Variants in SIRT4 observed in about 807,000 individuals in gnomAD.
SIRT4 encodes the protein NAD-dependent protein lipoamidase sirtuin-4, mitochondrial.
SIRT4 carries 23 observed loss-of-function variants against 26.1 expected under a neutral mutation model. The ratio of observed to expected loss-of-function variants is 0.88; its 90% confidence interval spans 0.63 to 1.25. SIRT4 has a LOEUF of 1.25. Ranked by LOEUF, SIRT4 falls within the 50% of genes most tolerant of loss-of-function variation. The probability of loss-of-function intolerance (pLI) is 0.00; values close to 1 mark genes in which losing one functional copy is unlikely to be tolerated. For missense variants in SIRT4, 361 were observed against 405.4 expected (o/e 0.89, Z 0.94); for synonymous variants, 155 against 158.4 (o/e 0.98, Z 0.16).
intron 2 of SIRT4, among the ~76,000 whole-genome samples, chr12:120,310,267 G>A (rs1872908156): frequency 6.6e-6 from 1 of 152,092 alleles, no homozygotes; most frequent in Non-Finnish European, 1.5e-5. Flanking sequence ...TCGGGAGGCT[G>A]AGGCAGGAGA....
chr12:120,293,194 T>G, the SIRT4 span: 5 of 152,314 alleles, frequency 3.3e-5, no homozygotes, highest in Admixed American at 6.5e-5. Context: ...TAATCGCGCC[T>G]CGGATAGACC....
chr12:120,296,762 G>C, the SIRT4 span, among the ~76,000 whole-genome samples: 5 of 151,246 alleles, frequency 3.3e-5, no homozygotes, highest in African/African-American at 1.2e-4. Context: ...CGCCCGCCTC[G>C]GCCTCCCCAA....
At chr12:120,293,107 G>GA in the SIRT4 span, 2 of 152,056 alleles carry the variant, frequency 1.3e-5, no homozygotes, top group Non-Finnish European at 2.9e-5. Flanking sequence ...TCTCCGTAGA[G>GA]ACTGTCAAAA....
chr12:120,308,839 A>G (rs1056023286), intron 2 of SIRT4, among the ~76,000 whole-genome samples: 20 of 152,284 alleles, frequency 1.3e-4, no homozygotes, highest in Middle Eastern at 3.4e-3. Flanking sequence ...GGTGGTATCC[A>G]GGGAATTTGA....
At chr12:120,309,143 T>A (rs1312412740) in intron 2 of SIRT4, among the ~76,000 whole-genome samples, 1 of 152,060 alleles carries the variant, frequency 6.6e-6, no homozygotes, top group Non-Finnish European at 1.5e-5. Context: ...TGTTGTGCCA[T>A]TGCCCTCCAG....
chr12:120,297,263 TA>T, the SIRT4 span, among the ~76,000 whole-genome samples: 26 of 95,454 alleles, frequency 2.7e-4, no homozygotes, highest in Admixed American at 3.4e-3. Flanking sequence ...CATACATACA[TA>T]AAATAAAATA....
At position 120,313,180 on chromosome 12, in the gene SIRT4, C is replaced by G. The variant is rs1481246052; in HGVS notation, c.*144C>G. 5 of 842,538 alleles carry G rather than the reference C, an allele frequency of 5.9e-6. No homozygotes were observed. The highest frequency in any genetic ancestry group is 9.2e-6 in the Non-Finnish European group (5 of 540,776). 52.2% of individuals were successfully genotyped at this position (842,538 alleles called of 1,614,324 possible). On this transcript the variant is annotated 3_prime_UTR_variant, in exon 4 of 4. Coordinates refer to ENST00000202967, the MANE Select transcript of SIRT4 (RefSeq NM_012240.3). The stretch of plus-strand genomic sequence containing the variant: ...ACAAAGTATAGAAGGTTCTAGGTAT[C>G]TTAATGTGTGGATATTCTTAATTAA...
intron 2 of SIRT4, 114 bp from the exon 3 acceptor site, chr12:120,312,342 T>C (rs769333044): frequency 3.1e-6 from 3 of 968,704 alleles, no homozygotes; most frequent in Non-Finnish European, 4.7e-6. Context: ...GGATTGTGTG[T>C]TAGGGAAAGA....
upstream of SIRT4, among the ~76,000 whole-genome samples, chr12:120,301,020 G>A (rs763571870): frequency 6.6e-6 from 1 of 152,124 alleles, no homozygotes; most frequent in Non-Finnish European, 1.5e-5. Flanking sequence ...ATTAGTCCAG[G>A]TATAATATAT....
chr12:120,300,796 TCC>T (rs1762854754), upstream of SIRT4, among the ~76,000 whole-genome samples: 1 of 152,094 alleles, frequency 6.6e-6, no homozygotes, highest in Non-Finnish European at 1.5e-5. Context: ...GTCTTCAAGG[TCC>T]CTGCTGGCCG....
At position 120,313,086 on chromosome 12, in the gene SIRT4, T is replaced by C; in HGVS notation, c.*50T>C. ...GGAACAGGGACTTTCACTTGAATCTTGCTGCTAAATGTAAATGCCTTCTCA... is the reference window on the plus strand; with the variant it reads ...GGAACAGGGACTTTCACTTGAATCTCGCTGCTAAATGTAAATGCCTTCTCA... On this transcript the variant is annotated 3_prime_UTR_variant, in exon 4 of 4. Coordinates refer to ENST00000202967, the MANE Select transcript of SIRT4 (RefSeq NM_012240.3). 6.2e-7 allele frequency: 1 copy of C among 1,605,350 alleles called. No individual in the cohort carries two copies. Among genetic ancestry groups the C allele is most frequent in the Non-Finnish European group, 8.5e-7 (1 of 1,172,870 alleles).
At chr12:120,297,096 G>A in the SIRT4 span, among the ~76,000 whole-genome samples, 3 of 151,784 alleles carry the variant, frequency 2.0e-5, no homozygotes, top group East Asian at 2.0e-4. Context: ...GGTGGCGGGC[G>A]CCTATAATCC....
At chr12:120,305,802 G>A (rs1872724795) in intron 2 of SIRT4, among the ~76,000 whole-genome samples, 1 of 151,860 alleles carries the variant, frequency 6.6e-6, no homozygotes, top group African/African-American at 2.4e-5. Flanking sequence ...CACGAGGTCA[G>A]TTGATCGAGA....
At position 120,313,085 on chromosome 12, in the gene SIRT4, T is replaced by C. The variant is rs1178404564; in HGVS notation, c.*49T>C. Reference sequence around the variant, plus strand: ...TGGAACAGGGACTTTCACTTGAATCTTGCTGCTAAATGTAAATGCCTTCTC... The same window carrying C: ...TGGAACAGGGACTTTCACTTGAATCCTGCTGCTAAATGTAAATGCCTTCTC... On this transcript the variant is annotated 3_prime_UTR_variant, in exon 4 of 4. Coordinates refer to ENST00000202967, the MANE Select transcript of SIRT4 (RefSeq NM_012240.3). 1 of 1,608,040 alleles carries C rather than the reference T, an allele frequency of 6.2e-7. No individual in the cohort carries two copies. Among genetic ancestry groups the C allele is most frequent in the Non-Finnish European group, 8.5e-7 (1 of 1,175,172 alleles).
chr12:120,292,023 G>C, the SIRT4 span: 1 of 152,192 alleles, frequency 6.6e-6, no homozygotes, highest in South Asian at 2.1e-4. Flanking sequence ...CCGTATTTAA[G>C]GCCCATCTGC....
At chr12:120,305,795 G>A (rs1340498826) in intron 2 of SIRT4, among the ~76,000 whole-genome samples, 1 of 151,668 alleles carries the variant, frequency 6.6e-6, no homozygotes, top group Non-Finnish European at 1.5e-5. Context: ...GGCGGATCAC[G>A]AGGTCAGTTG....
chr12:120,302,307 A>T (rs1872576488), upstream of SIRT4: 1 of 152,184 alleles, frequency 6.6e-6, no homozygotes, highest in Non-Finnish European at 1.5e-5. Context: ...TTTCTGGACT[A>T]CATGTCCCAA....
Position 120,312,577 on chromosome 12 carries a change from C to A in SIRT4, c.619C>A (p.Leu207Ile). Residue 207 changes from leucine (L) to isoleucine (I), a missense_variant, in exon 3 of 4, where the codon CTC (leucine) becomes ATC (isoleucine). By Grantham distance (5) the Leu-to-Ile change is conservative. Transcript: ENST00000202967. ...HGLAPDGDVF[L>I]SEEQVRSFQV... The stretch of plus-strand genomic sequence containing the variant: ...CCTGGCTCCTGATGGTGACGTCTTT[C>A]TCTCAGAGGAGCAAGTCCGGAGCTT... 1 of 1,614,198 alleles carries A rather than the reference C, an allele frequency of 6.2e-7. No homozygotes were observed. Among genetic ancestry groups the A allele is most frequent in the Non-Finnish European group, 8.5e-7 (1 of 1,180,032 alleles).
the SIRT4 span, among the ~76,000 whole-genome samples, chr12:120,296,318 C>T: frequency 2.6e-5 from 4 of 151,240 alleles, no homozygotes; most frequent in South Asian, 2.1e-4. Flanking sequence ...TCCGGGTTCA[C>T]GCCATTCTCC....
Sources: gnomAD v4.1 joint callset for allele counts (sites outside exome capture counted in the v4.1 genomes callset) on GRCh38, gnomAD v4.1.1 for gene constraint, MANE v1.5 for transcripts, NCBI Gene and HGNC (gene_info 2026-07-23, HGNC 2026-07-21) for gene names.